Variants in LDHD observed in about 807,000 individuals in gnomAD.
LDHD encodes D-lactate dehydrogenase, mitochondrial.
Under a neutral mutation model 52.9 loss-of-function variants are expected in LDHD, and 58 were observed. That is an observed-to-expected ratio of 1.10 (90% CI 0.89 to 1.36). LDHD has a LOEUF of 1.36. Among genes scored for constraint, LDHD ranks in the 40% most tolerant of loss-of-function variants. LDHD has a pLI of 0.00. For synonymous variants in LDHD, 350 were observed against 288.6 expected (o/e 1.21, Z -2.16); for missense variants, 747 against 668.0 (o/e 1.12, Z -1.30).
rs1178669159 is a variant in LDHD, at chr16:75,114,279, C to T, written c.630-114G>A. 3.9e-6 allele frequency: 6 copies of T among 1,545,710 alleles called. No homozygotes were observed. The African/African-American group carries it at 5.4e-5, about 14-fold the overall frequency. ...CCCCAGGCACTGAGGTCTGGGCTGG[C>T]CTCCCTCGGGCCCAGTTTCCCTGGC... is the stretch of plus-strand genomic sequence containing the variant. On this transcript the variant is annotated intron_variant, in intron 5 of 10. Transcript: ENST00000450168.
chr16:75,113,805 G>A lies in LDHD; in HGVS notation c.895C>T (p.Pro299Ser), dbSNP rs1360165420. The change falls in exon 7 of 11, where the codon CCC becomes TCC. Residue 299 changes from proline to serine, a missense_variant. By Grantham distance (74) the Pro-to-Ser change is moderately conservative (BLOSUM62 -1). Coordinates refer to ENST00000450168, the MANE Select transcript of LDHD (RefSeq NM_194436.3). ...CCATGGAACTCCAGGAAGAGTGTGG[G>A]CGCCACTAAGCAATTCAGCTTGCTG... ...RYSKLNCLVA[P>S]TLFLEFHGSQ... is the part of the protein sequence containing the mutation. 2 of 1,614,036 alleles carry A rather than the reference G, an allele frequency of 1.2e-6. No homozygotes were observed. Among genetic ancestry groups the A allele is most frequent in the Non-Finnish European group, 8.5e-7 (1 of 1,180,016 alleles).
chr16:75,116,516 C>T, intron 1 of LDHD, 133 bp downstream of exon 1: 1 of 714,726 alleles, frequency 1.4e-6, no homozygotes, highest in Non-Finnish European at 2.4e-6. Flanking sequence ...CAGGGTAAGC[C>T]CAGTGCCCTT....
chr16:75,114,679 C>A lies in LDHD; in HGVS notation c.476G>T (p.Gly159Val). The A allele has an allele frequency of 6.5e-7, 1 of 1,535,678 alleles. No individual in the cohort carries two copies. The highest frequency in any genetic ancestry group is 8.8e-7 in the Non-Finnish European group (1 of 1,140,930). The stretch of plus-strand genomic sequence containing the variant: ...CATGCCACAGAGAGAGGCGTCCGCG[C>A]CTGGGTCTGGAGGGCGGCGTACAGA... ...DSGLWFPVDP[G>V]ADASLCGMAA... Residue 159 changes from glycine (G) to valine (V), a missense_variant, in exon 5 of 11, where the codon GGC becomes GTC. Coordinates refer to ENST00000450168, the MANE Select transcript of LDHD (RefSeq NM_194436.3).
chr16:75,115,068 G>A, intron 3 of LDHD, 100 bp from the exon 4 acceptor site: 1 of 1,540,520 alleles, frequency 6.5e-7, no homozygotes, highest in Non-Finnish European at 8.8e-7. Flanking sequence ...AGCCAGACCA[G>A]ACCCCCAGAG....
intron 8 of LDHD, among the ~76,000 whole-genome samples, 154 bp from the exon 9 acceptor site, chr16:75,113,078 C>T (rs2036445398): frequency 6.6e-6 from 1 of 152,134 alleles, no homozygotes; most frequent in South Asian, 2.1e-4. Context: ...CAGCCCTCAC[C>T]TCCCCCCGAC....
rs2036474267 is a variant in LDHD at position 75,113,990 on chromosome 16, C to G, written c.805G>C (p.Ala269Pro). 1 of 1,599,602 alleles carries G rather than the reference C, an allele frequency of 6.3e-7. No individual in the cohort carries two copies. The highest frequency in any genetic ancestry group is 1.3e-5 in the African/African-American group (1 of 74,722). Residue 269 changes from alanine to proline, a missense_variant, in exon 6 of 11, where the codon GCT becomes CCT. Ala to Pro is a conservative substitution (Grantham distance 27). Transcript: ENST00000450168. ...CCAATGCGGGCTACGGGCACTGCAGCCTGGAGGATGTGTACAGTGCTGTCC... is the reference window on the plus strand; with the variant it reads ...CCAATGCGGGCTACGGGCACTGCAGGCTGGAGGATGTGTACAGTGCTGTCC... ...AVDSTVHILQAAVPVARIEFL... is the reference protein window; with the variant it reads ...AVDSTVHILQPAVPVARIEFL...
rs372466867 is a variant in LDHD at position 75,115,689 on chromosome 16, C to T, written c.73-29G>A. 3.2e-5 allele frequency: 45 copies of T among 1,425,562 alleles called. No individual in the cohort carries two copies. The African/African-American group carries it at 5.7e-4, about 18-fold the overall frequency. The allele number at this position is 1,425,562 out of a possible 1,614,324, so 88.3% of individuals were successfully genotyped here. A position where few individuals can be genotyped will look rare whatever the true frequency, so the allele number is the denominator to read the frequency against. On this transcript the variant is annotated intron_variant, in intron 1 of 10. Coordinates refer to ENST00000450168, the MANE Select transcript of LDHD (RefSeq NM_194436.3). ...CAGGGAAGAAACACACTGCCAGGGT[C>T]CCCCGAAAGACACATGGGGCCACAG...
chr16:75,114,832 G>C lies in LDHD; in HGVS notation c.464C>G (p.Pro155Arg), dbSNP rs1247870956. 1 of 1,612,722 alleles carries C rather than the reference G, an allele frequency of 6.2e-7. No homozygotes were observed. Among genetic ancestry groups the C allele is most frequent in the Non-Finnish European group, 8.5e-7 (1 of 1,179,394 alleles). The change falls in exon 4 of 11, where the codon CCC (proline) becomes CGC (arginine). Residue 155 changes from proline (P) to arginine (R), a missense_variant. By Grantham distance (103) the Pro-to-Arg change is moderately radical. Coordinates refer to ENST00000450168, the MANE Select transcript of LDHD (RefSeq NM_194436.3). ...AHLRDSGLWF[P>R]VDPGADASLC... The stretch of plus-strand genomic sequence containing the variant: ...GAAAGGTTCGCGAGTCCTACCCACG[G>C]GAAACCAGAGGCCGCTGTCCCGCAG...
At chr16:75,115,089 C>T in intron 3 of LDHD, 109 bp downstream of exon 3, 2 of 1,533,370 alleles carry the variant, frequency 1.3e-6, no homozygotes, top group Non-Finnish European at 1.8e-6. Context: ...GCAGGCAGCC[C>T]ACGGGCGGGA....
In LDHD at chr16:75,114,175, AG is replaced by A; in HGVS notation, c.630-11del. 6.2e-7 allele frequency: 1 copy of A among 1,611,668 alleles called. No individual in the cohort carries two copies. The highest frequency in any genetic ancestry group is 8.5e-7 in the Non-Finnish European group (1 of 1,179,954). On this transcript the variant is annotated splice_polypyrimidine_tract_variant and intron_variant, in intron 5 of 10. Coordinates refer to ENST00000450168, the MANE Select transcript of LDHD (RefSeq NM_194436.3). ...GCCGGCTGCACTCTTCCTACGTCCCAGGGACACACAAGGTGAGTACCAGGCT... is the reference window on the plus strand; with the variant it reads ...GCCGGCTGCACTCTTCCTACGTCCCAGGACACACAAGGTGAGTACCAGGCT...
rs1468270439 is a variant in LDHD, at chr16:75,112,710, C to G, written c.1181G>C (p.Ser394Thr). The G allele has an allele frequency of 6.2e-7, 1 of 1,613,384 alleles. No individual in the cohort carries two copies. Among genetic ancestry groups the G allele is most frequent in the Non-Finnish European group, 8.5e-7 (1 of 1,179,530 alleles). Residue 394 changes from serine (S) to threonine (T), a missense_variant, in exon 10 of 11, where the codon AGC becomes ACC. Physicochemically the swap from Ser to Thr is moderately conservative, Grantham distance 58. Coordinates refer to ENST00000450168, the MANE Select transcript of LDHD (RefSeq NM_194436.3). ...EDLNASGLTG[S>T]IVGHVGDGNF... ...GCCGTCACCCACATGCCCGACAATG[C>G]TTCCTGGGGGCCCAGAGGACAGAAC...
In LDHD at chr16:75,114,598, T is replaced by C; in HGVS notation, c.557A>G (p.Asn186Ser). 6.5e-7 allele frequency: 1 copy of C among 1,534,396 alleles called. No individual in the cohort carries two copies. Among genetic ancestry groups the C allele is most frequent in the Non-Finnish European group, 8.7e-7 (1 of 1,145,186 alleles). ...NAVRYGTMRD[N>S]VLNLEVVLPD... The stretch of plus-strand genomic sequence containing the variant: ...CAGCACCACCTCCAGGTTGAGCACG[T>C]TGTCCCGCATGGTGCCGTAGCGGAC... Residue 186 changes from asparagine (N) to serine (S), a missense_variant, in exon 5 of 11, where the codon AAC becomes AGC. By Grantham distance (46) the Asn-to-Ser change is conservative. Coordinates refer to ENST00000450168, the MANE Select transcript of LDHD (RefSeq NM_194436.3).
chr16:75,112,097 G>C lies in LDHD; in HGVS notation c.*259C>G. Reference sequence around the variant, plus strand: ...CGCCAGGACAGGATGCGTAGGAGCAGAGAGGAAGCAGCTTTGCTGGGAACC... The same window carrying C: ...CGCCAGGACAGGATGCGTAGGAGCACAGAGGAAGCAGCTTTGCTGGGAACC... On this transcript the variant is annotated 3_prime_UTR_variant, in exon 11 of 11. Coordinates refer to ENST00000450168, the MANE Select transcript of LDHD (RefSeq NM_194436.3). 2 of 468,750 alleles carry C rather than the reference G, an allele frequency of 4.3e-6. No homozygotes were observed. The highest frequency in any genetic ancestry group is 7.6e-6 in the Non-Finnish European group (2 of 264,366). 29.0% of individuals were successfully genotyped at this position (468,750 alleles called of 1,614,324 possible).
chr16:75,113,889 C>A lies in LDHD; in HGVS notation c.830-19G>T. 6.2e-7 allele frequency: 1 copy of A among 1,613,644 alleles called. No individual in the cohort carries two copies. The highest frequency in any genetic ancestry group is 1.3e-5 in the African/African-American group (1 of 75,060). The stretch of plus-strand genomic sequence containing the variant: ...AGGAACTCTGGATCCAGGGAGATGG[C>A]AGGCCAGGTGAGGCCTGGCCTTCCC... On this transcript the variant is annotated intron_variant, in intron 6 of 10. Transcript: ENST00000450168.
rs772363256 is a variant in LDHD at position 75,113,681 on chromosome 16, G to A, written c.959-19C>T. On this transcript the variant is annotated intron_variant, in intron 7 of 10. Transcript: ENST00000450168. ...ATCTCCTCTGCAGTTGGGGAAGGGG[G>A]GCTGACACCGGGCCGCCACTGAGGC... The A allele has an allele frequency of 3.1e-6, 5 of 1,612,986 alleles. No homozygotes were observed. In the East Asian group the frequency reaches 1.1e-4, roughly 36 times the overall value.
At chr16:75,115,053 C>T (rs1303994100) in intron 3 of LDHD, 85 bp from the exon 4 acceptor site, 1 of 1,546,696 alleles carries the variant, frequency 6.5e-7, no homozygotes, top group Middle Eastern at 1.8e-4. Flanking sequence ...GGGTGTCCCC[C>T]CAGCAGCCAG....
chr16:75,113,896 G>A, intron 6 of LDHD, 26 bp from the exon 7 acceptor site: 1 of 1,613,318 alleles, frequency 6.2e-7, no homozygotes, highest in South Asian at 1.1e-5. Flanking sequence ...TGGCAGGCCA[G>A]GTGAGGCCTG....
At position 75,113,670 on chromosome 16, in the gene LDHD, T is replaced by G; in HGVS notation, c.959-8A>C. The stretch of plus-strand genomic sequence containing the variant: ...TCTGCTGGACTATCTCCTCTGCAGT[T>G]GGGGAAGGGGGGCTGACACCGGGCC... On this transcript the variant is annotated splice_polypyrimidine_tract_variant and splice_region_variant and intron_variant, in intron 7 of 10. Transcript: ENST00000450168. The G allele has an allele frequency of 6.2e-7, 1 of 1,613,178 alleles. No individual in the cohort carries two copies. Among genetic ancestry groups the G allele is most frequent in the Non-Finnish European group, 8.5e-7 (1 of 1,179,816 alleles).
chr16:75,115,475 C>A, intron 2 of LDHD, 73 bp downstream of exon 2: 1 of 1,578,462 alleles, frequency 6.3e-7, no homozygotes, highest in Non-Finnish European at 8.7e-7. Context: ...AGGAGGAAGG[C>A]AACCCAGCAC....
Sources: gnomAD v4.1 joint callset for allele counts (sites outside exome capture counted in the v4.1 genomes callset) on GRCh38, gnomAD v4.1.1 for gene constraint, MANE v1.5 for transcripts, NCBI Gene and HGNC (gene_info 2026-07-23, HGNC 2026-07-21) for gene names.